Variants in PARVA observed in about 807,000 individuals in gnomAD.
PARVA encodes the protein alpha-parvin.
A neutral mutation model predicts 52.6 loss-of-function variants in PARVA; 25 were observed. The observed-to-expected ratio is 0.48, with a 90% CI of 0.35 to 0.66. The LOEUF (loss-of-function observed/expected upper bound fraction) is 0.66. PARVA is among the 30% of genes least tolerant of loss of function. The pLI is 0.01. For missense variants in PARVA, 373 were observed against 450.9 expected, an observed-to-expected ratio of 0.83 and a Z score of 1.56; for synonymous variants, 185 against 179.1, an observed-to-expected ratio of 1.03 and a Z score of -0.26.
At chr11:12,473,529 G>A (rs1484993695) in intron 1 of PARVA, among the ~76,000 whole-genome samples, 1 of 152,160 alleles carries the variant, frequency 6.6e-6, no homozygotes, top group East Asian at 1.9e-4. Flanking sequence ...CCTGAGGAAA[G>A]CAAGTGAAGT....
intron 1 of PARVA, among the ~76,000 whole-genome samples, chr11:12,412,510 A>G (rs1181649265): frequency 6.6e-6 from 1 of 152,160 alleles, no homozygotes. Context: ...GGCCGAGAGG[A>G]AGGCTCAGTG....
chr11:12,381,568 A>G (rs891400016), intron 1 of PARVA, among the ~76,000 whole-genome samples: 1 of 152,208 alleles, frequency 6.6e-6, no homozygotes, highest in African/African-American at 2.4e-5. Flanking sequence ...TGTACAGTCA[A>G]AAATCTGTGT....
chr11:12,488,420 G>A (rs1004607984), intron 4 of PARVA, among the ~76,000 whole-genome samples: 2 of 152,194 alleles, frequency 1.3e-5, no homozygotes, highest in African/African-American at 4.8e-5. Flanking sequence ...GAACAAGAAG[G>A]AAGTATAAAT....
intron 1 of PARVA, among the ~76,000 whole-genome samples, chr11:12,443,604 A>G (rs1424019529): frequency 6.6e-6 from 1 of 152,178 alleles, no homozygotes; most frequent in Non-Finnish European, 1.5e-5. Context: ...ATATTCATTC[A>G]TGCTTTTTAA....
intron 1 of PARVA, among the ~76,000 whole-genome samples, chr11:12,452,339 T>C (rs1201771695): frequency 6.6e-6 from 1 of 152,176 alleles, no homozygotes; most frequent in African/African-American, 2.4e-5. Flanking sequence ...GTAAATGCCC[T>C]CCTCTCCTGT....
chr11:12,441,259 T>C (rs891002840), intron 1 of PARVA, among the ~76,000 whole-genome samples: 21 of 152,208 alleles, frequency 1.4e-4, no homozygotes, highest in African/African-American at 5.1e-4. Context: ...GAGTTCAGAC[T>C]ATAGAGATGC....
chr11:12,445,094 A>G (rs1940526385), intron 1 of PARVA, among the ~76,000 whole-genome samples: 1 of 152,136 alleles, frequency 6.6e-6, no homozygotes. Context: ...ACTAACTCTG[A>G]TTGTATATGT....
intron 6 of PARVA, among the ~76,000 whole-genome samples, chr11:12,506,939 T>C (rs1439557736): frequency 6.6e-6 from 1 of 152,220 alleles, no homozygotes; most frequent in African/African-American, 2.4e-5. Context: ...CGTCTATGAA[T>C]GGCCATGCAG....
chr11:12,394,315 C>G (rs975833181), intron 1 of PARVA, among the ~76,000 whole-genome samples: 1 of 152,092 alleles, frequency 6.6e-6, no homozygotes, highest in African/African-American at 2.4e-5. Flanking sequence ...CAAAACCCAG[C>G]TAGTTGTTTT....
In PARVA at chr11:12,534,060, C is replaced by T. The variant is rs906698565; in HGVS notation, c.*6135C>T. The stretch of plus-strand genomic sequence containing the variant: ...GTGCGTGCCTGTAATCCCAGCTACT[C>T]AGGGGGCTGAGGCAGAAGTATTGCT... On this transcript the variant is annotated 3_prime_UTR_variant, in exon 13 of 13. Transcript: ENST00000334956. Among the ~76,000 whole-genome samples, 8 of 152,114 alleles carry T rather than the reference C, an allele frequency of 5.3e-5. No individual in the cohort carries two copies. Among genetic ancestry groups the T allele is most frequent in the East Asian group, 3.9e-4 (2 of 5,180 alleles).
intron 1 of PARVA, among the ~76,000 whole-genome samples, chr11:12,445,375 C>CTTTGATCA (rs1940530360): frequency 6.6e-6 from 1 of 152,084 alleles, no homozygotes; most frequent in Admixed American, 6.5e-5. Flanking sequence ...GGCCAATGAC[C>CTTTGATCA]TTTGATCATG....
Position 12,508,121 on chromosome 11 carries a change from A to C in PARVA, c.658-463A>C, listed in dbSNP as rs1347724185. ...AGTTAAAAAAAAAAAAAAAAAAAAA[A>C]ACCAAAAAAAAAAACCCTCTGCCTC... is the stretch of plus-strand genomic sequence containing the variant. On this transcript the variant is annotated intron_variant, in intron 6 of 12. Coordinates refer to ENST00000334956, the MANE Select transcript of PARVA (RefSeq NM_018222.5). Among the ~76,000 whole-genome samples, 29 of 121,236 alleles carry C rather than the reference A, an allele frequency of 2.4e-4. 1 individual carries two copies. Among genetic ancestry groups the C allele is most frequent in the African/African-American group, 9.0e-4 (23 of 25,698 alleles). The allele number at this position is 121,236 out of a possible 152,430, so 79.5% of individuals were successfully genotyped here. A position where few individuals can be genotyped will look rare whatever the true frequency, so the allele number is the denominator to read the frequency against.
intron 1 of PARVA, among the ~76,000 whole-genome samples, chr11:12,402,509 T>G (rs2134965953): frequency 6.6e-6 from 1 of 152,346 alleles, no homozygotes; most frequent in South Asian, 2.1e-4. Flanking sequence ...TCTATAGGAT[T>G]GCTATTACTA....
chr11:12,438,259 CAA>C (rs1222652970), intron 1 of PARVA, among the ~76,000 whole-genome samples: 55 of 100,388 alleles, frequency 5.5e-4, no homozygotes, highest in Middle Eastern at 5.3e-3. Context: ...GACTGCATCT[CAA>C]AAAAAAAAAA....
intron 3 of PARVA, among the ~76,000 whole-genome samples, chr11:12,475,852 G>T (rs1941006034): frequency 6.6e-6 from 1 of 152,198 alleles, no homozygotes; most frequent in Non-Finnish European, 1.5e-5. Context: ...GATGCAGTCT[G>T]TGCTGCATCC....
chr11:12,467,554 T>C (rs1165110930), intron 1 of PARVA, among the ~76,000 whole-genome samples: 1 of 152,220 alleles, frequency 6.6e-6, no homozygotes. Context: ...TTCAGATTGA[T>C]TTTTCACATA....
intron 1 of PARVA, among the ~76,000 whole-genome samples, chr11:12,427,646 A>G (rs570854354): frequency 1.3e-5 from 2 of 152,322 alleles, no homozygotes; most frequent in African/African-American, 4.8e-5. Context: ...AGGCATACAA[A>G]AAAACAATTA....
chr11:12,460,048 G>A (rs1400235661), intron 1 of PARVA, among the ~76,000 whole-genome samples: 1 of 152,202 alleles, frequency 6.6e-6, no homozygotes, highest in Non-Finnish European at 1.5e-5. Flanking sequence ...CTTTACGTGG[G>A]AATGCAGAAG....
intron 1 of PARVA, among the ~76,000 whole-genome samples, chr11:12,402,532 T>C (rs1473066803): frequency 1.3e-5 from 2 of 152,218 alleles, no homozygotes; most frequent in Non-Finnish European, 2.9e-5. Context: ...TGTGTAACTT[T>C]TGGAAAATTG....
Sources: gnomAD v4.1 joint callset for allele counts (sites outside exome capture counted in the v4.1 genomes callset) on GRCh38, gnomAD v4.1.1 for gene constraint, MANE v1.5 for transcripts, NCBI Gene and HGNC (gene_info 2026-07-23, HGNC 2026-07-21) for gene names.